TMEM150C: variants seen among roughly 807,000 people sequenced by gnomAD.
TMEM150C encodes tentonin 3.
Under a neutral mutation model 29.9 loss-of-function variants are expected in TMEM150C, and 10 were observed. The observed-to-expected ratio is 0.33, with a 90% confidence interval of 0.21 to 0.57. The LOEUF is 0.57. TMEM150C is among the 20% of genes least tolerant of loss of function. TMEM150C has a pLI of 0.88. For synonymous variants in TMEM150C, 101 were observed against 112.5 expected (o/e 0.90, Z 0.64); for missense variants, 251 against 303.6 (o/e 0.83, Z 1.29).
intron 7 of TMEM150C, among the ~76,000 whole-genome samples, chr4:82,486,066 G>A (rs1723148913): frequency 6.6e-6 from 1 of 152,006 alleles, no homozygotes; most frequent in South Asian, 2.1e-4. Context: ...TAGGGAAACT[G>A]AGACCAAATG....
intron 1 of TMEM150C, among the ~76,000 whole-genome samples, chr4:82,518,646 T>C (rs1202354608): frequency 6.6e-6 from 1 of 152,186 alleles, no homozygotes; most frequent in Non-Finnish European, 1.5e-5. Flanking sequence ...GTTTCTCTTT[T>C]TGTTCCCTTT....
chr4:82,486,222 A>C (rs1289615265), intron 7 of TMEM150C, among the ~76,000 whole-genome samples: 4 of 151,870 alleles, frequency 2.6e-5, no homozygotes, highest in Admixed American at 1.3e-4. Flanking sequence ...TTACACTTCC[A>C]AAGTAATTAG....
At chr4:82,518,086 C>T (rs6810750) in intron 1 of TMEM150C, among the ~76,000 whole-genome samples, 285 of 152,192 alleles carry the variant, frequency 1.9e-3, no homozygotes, top group African/African-American at 6.3e-3. Flanking sequence ...GAGGCTGAGG[C>T]GGGCGGATCA....
In TMEM150C at chr4:82,503,048, A is replaced by T; in HGVS notation, c.134+11T>A. Reference sequence around the variant, plus strand: ...TTGATGAACAACGAATTACCCACAGATAAACTTTACCTTTCAGCTGAATTT... The same window carrying T: ...TTGATGAACAACGAATTACCCACAGTTAAACTTTACCTTTCAGCTGAATTT... On this transcript the variant is annotated intron_variant, in intron 3 of 7. Coordinates refer to ENST00000449862, the MANE Select transcript of TMEM150C (RefSeq NM_001080506.3). 6.2e-7 allele frequency: 1 copy of T among 1,612,620 alleles called. No individual in the cohort carries two copies. The highest frequency in any genetic ancestry group is 1.1e-5 in the South Asian group (1 of 90,714).
At chr4:82,495,861 G>A in intron 6 of TMEM150C, 1 of 606,434 alleles carries the variant, frequency 1.6e-6, no homozygotes, top group Non-Finnish European at 2.9e-6. Context: ...GTTTCTGGCA[G>A]CCAATGGCTA....
In TMEM150C at chr4:82,490,216, T is replaced by C; in HGVS notation, c.386A>G (p.His129Arg). ...AAAGGTCAAGGAAGTTCCGACGTTATGGATTTCTTCATCATTTGTGAGCTT... is the reference window on the plus strand; with the variant it reads ...AAAGGTCAAGGAAGTTCCGACGTTACGGATTTCTTCATCATTTGTGAGCTT... ...NFQLTNDEEIHNVGTSLTFGF... is the reference protein window; with the variant it reads ...NFQLTNDEEIRNVGTSLTFGF... Residue 129 changes from histidine to arginine, a missense_variant, in exon 7 of 8, where the codon CAT (histidine) becomes CGT (arginine). By Grantham distance (29) the His-to-Arg change is conservative. Coordinates refer to ENST00000449862, the MANE Select transcript of TMEM150C (RefSeq NM_001080506.3). 1.2e-6 allele frequency: 2 copies of C among 1,613,972 alleles called. No homozygotes were observed. Among genetic ancestry groups the C allele is most frequent in the Non-Finnish European group, 1.7e-6 (2 of 1,179,860 alleles).
chr4:82,485,857 A>C (rs1723143264), intron 7 of TMEM150C, 138 bp from the exon 8 acceptor site: 1 of 718,298 alleles, frequency 1.4e-6, no homozygotes, highest in African/African-American at 1.8e-5. Flanking sequence ...AGCTTGTTGA[A>C]CACGAAAATC....
intron 5 of TMEM150C, among the ~76,000 whole-genome samples, chr4:82,497,776 A>T (rs757479626): frequency 2.6e-4 from 40 of 152,192 alleles, no homozygotes; most frequent in Non-Finnish European, 3.7e-4. Context: ...TAACAATGAC[A>T]ATAACAATCC....
At chr4:82,529,164 G>T (rs552050164) in intron 1 of TMEM150C, among the ~76,000 whole-genome samples, 1 of 152,074 alleles carries the variant, frequency 6.6e-6, no homozygotes, top group Non-Finnish European at 1.5e-5. Context: ...GAGGACAAAG[G>T]GGATGCTGCC....
At chr4:82,556,769 C>CA (rs748404399) in intron 1 of TMEM150C, among the ~76,000 whole-genome samples, 36 of 150,092 alleles carry the variant, frequency 2.4e-4, no homozygotes, top group Middle Eastern at 3.4e-3. Flanking sequence ...TATAAATCTC[C>CA]AAAAAAAAAT....
At chr4:82,497,043 A>T (rs1333697452) in intron 5 of TMEM150C, among the ~76,000 whole-genome samples, 1 of 152,190 alleles carries the variant, frequency 6.6e-6, no homozygotes, top group African/African-American at 2.4e-5. Context: ...TTTTGAAGCA[A>T]ATTGGTATCT....
At chr4:82,544,013 T>C (rs1330830612) in intron 1 of TMEM150C, among the ~76,000 whole-genome samples, 3 of 152,236 alleles carry the variant, frequency 2.0e-5, no homozygotes, top group Non-Finnish European at 4.4e-5. Context: ...CAAATTTTGA[T>C]GGCCTTTCTG....
At chr4:82,510,841 C>T (rs1446594234) in intron 1 of TMEM150C, among the ~76,000 whole-genome samples, 2 of 152,142 alleles carry the variant, frequency 1.3e-5, no homozygotes, top group Non-Finnish European at 2.9e-5. Flanking sequence ...GCCCATGAAC[C>T]AAGAGCATCC....
intron 1 of TMEM150C, among the ~76,000 whole-genome samples, chr4:82,559,982 G>A (rs1421876463): frequency 2.6e-5 from 4 of 152,316 alleles, no homozygotes; most frequent in African/African-American, 9.6e-5. Context: ...ACAGACAAGA[G>A]TGTAAAGCAA....
intron 1 of TMEM150C, among the ~76,000 whole-genome samples, chr4:82,523,454 G>A (rs1298623177): frequency 6.6e-6 from 1 of 152,162 alleles, no homozygotes. Context: ...CACACGTGGG[G>A]ATATGTGGGG....
chr4:82,526,701 T>C (rs544417850), intron 1 of TMEM150C, among the ~76,000 whole-genome samples: 7 of 152,222 alleles, frequency 4.6e-5, no homozygotes, highest in South Asian at 2.1e-4. Flanking sequence ...AACTTTATTA[T>C]GCTTTATGAC....
intron 6 of TMEM150C, chr4:82,495,479 G>A: frequency 2.8e-6 from 1 of 355,926 alleles, no homozygotes; most frequent in Non-Finnish European, 5.4e-6. Flanking sequence ...GCTCTTTTAG[G>A]CCCCAGGTGA....
intron 1 of TMEM150C, among the ~76,000 whole-genome samples, chr4:82,551,732 T>C (rs1271260729): frequency 6.6e-6 from 1 of 152,132 alleles, no homozygotes; most frequent in Non-Finnish European, 1.5e-5. Context: ...CATGTTCTTA[T>C]GGTACCCTAG....
At chr4:82,488,079 C>T (rs771045783) in intron 7 of TMEM150C, among the ~76,000 whole-genome samples, 7 of 152,106 alleles carry the variant, frequency 4.6e-5, no homozygotes, top group Admixed American at 6.6e-5. Context: ...GTCTTTTATC[C>T]CTCATCCCCC....
Sources: allele counts gnomAD v4.1 joint callset (sites outside exome capture counted in the v4.1 genomes callset), GRCh38; gene constraint gnomAD v4.1.1; transcripts MANE v1.5; gene names NCBI Gene and HGNC (gene_info 2026-07-23, HGNC 2026-07-21).